ABCD2: variants seen among roughly 807,000 people sequenced by gnomAD.
The protein encoded by ABCD2 is ATP-binding cassette sub-family D member 2.
Under a neutral mutation model 70.9 loss-of-function variants are expected in ABCD2, and 36 were observed. That is an observed-to-expected ratio of 0.51 (90% CI 0.39 to 0.67). The LOEUF is 0.67. ABCD2 is among the 30% of genes least tolerant of loss of function. ABCD2 has a pLI of 0.00. For synonymous variants in ABCD2, 304 were observed against 306.9 expected, an observed-to-expected ratio of 0.99 and a Z score of 0.10; for missense variants, 729 against 890.2, an observed-to-expected ratio of 0.82 and a Z score of 2.30.
the ABCD2 span, among the ~76,000 whole-genome samples, chr12:39,537,236 C>T: frequency 6.6e-6 from 1 of 152,152 alleles, no homozygotes; most frequent in African/African-American, 2.4e-5. Context: ...TTGTGCAAAA[C>T]TGAACTCATC....
the ABCD2 span, among the ~76,000 whole-genome samples, chr12:39,540,473 T>C: frequency 1.1e-4 from 16 of 152,346 alleles, no homozygotes; most frequent in Admixed American, 8.5e-4. Context: ...TATTTTGAAA[T>C]GGCCCTACAA....
At chr12:39,601,802 A>T (rs1219849678) in intron 5 of ABCD2, among the ~76,000 whole-genome samples, 1 of 152,182 alleles carries the variant, frequency 6.6e-6, no homozygotes, top group Non-Finnish European at 1.5e-5. Context: ...AATCTCAGGA[A>T]GAAGCTAGAA....
chr12:39,607,509 C>T, intron 3 of ABCD2, 90 bp downstream of exon 3: 10 of 1,100,532 alleles, frequency 9.1e-6, no homozygotes, highest in Non-Finnish European at 1.3e-5. Flanking sequence ...AGATATGTTT[C>T]CAAAATACTA....
chr12:39,557,567 G>T (rs1941187738), intron 9 of ABCD2, among the ~76,000 whole-genome samples: 2 of 152,168 alleles, frequency 1.3e-5, no homozygotes, highest in Admixed American at 1.3e-4. Context: ...AAGACAATGG[G>T]GAAAATGTCT....
the ABCD2 span, among the ~76,000 whole-genome samples, chr12:39,542,579 TAATG>T: frequency 2.6e-5 from 4 of 151,970 alleles, no homozygotes; most frequent in South Asian, 8.3e-4. Flanking sequence ...ACCTTGCTAA[TAATG>T]GTGAAGATGG....
intron 6 of ABCD2, among the ~76,000 whole-genome samples, chr12:39,594,262 G>T (rs550031116): frequency 6.6e-6 from 1 of 152,260 alleles, no homozygotes; most frequent in African/African-American, 2.4e-5. Flanking sequence ...TTATCCACTG[G>T]AGGACTTAAA....
intron 6 of ABCD2, among the ~76,000 whole-genome samples, chr12:39,592,644 C>A (rs1400104673): frequency 6.6e-6 from 1 of 152,206 alleles, no homozygotes; most frequent in Non-Finnish European, 1.5e-5. Flanking sequence ...AACCTACATA[C>A]ACATTGGCAC....
At chr12:39,611,319 TG>T (rs1942041878) in intron 2 of ABCD2, among the ~76,000 whole-genome samples, 2 of 152,146 alleles carry the variant, frequency 1.3e-5, no homozygotes, top group South Asian at 4.1e-4. Context: ...GGGGAAACTA[TG>T]GGGGGAGAGG....
chr12:39,572,026 T>C (rs1941455568), intron 9 of ABCD2, among the ~76,000 whole-genome samples: 1 of 152,198 alleles, frequency 6.6e-6, no homozygotes, highest in Non-Finnish European at 1.5e-5. Context: ...CATGTTGTTT[T>C]GTTTTGTGGA....
At chr12:39,601,335 T>C (rs1426242658) in intron 5 of ABCD2, among the ~76,000 whole-genome samples, 1 of 151,674 alleles carries the variant, frequency 6.6e-6, no homozygotes, top group Non-Finnish European at 1.5e-5. Flanking sequence ...TAGTCTCATG[T>C]CTAGGGATGA....
intron 6 of ABCD2, among the ~76,000 whole-genome samples, chr12:39,594,287 C>T (rs568440368): frequency 1.3e-5 from 2 of 152,238 alleles, no homozygotes; most frequent in Non-Finnish European, 2.9e-5. Flanking sequence ...TTTAAGTTTT[C>T]TCACAAAATA....
At position 39,588,528 on chromosome 12, in the gene ABCD2, A is replaced by C. The variant is rs144153236; in HGVS notation, c.1647-2231T>G. Among the ~76,000 whole-genome samples, 1,055 of 152,328 alleles carry C rather than the reference A, an allele frequency of 6.9e-3. 7 individuals carry two copies. Among genetic ancestry groups the C allele is most frequent in the South Asian group, 0.025 (121 of 4,824 alleles). On this transcript the variant is annotated intron_variant, in intron 6 of 9. Coordinates refer to ENST00000308666, the MANE Select transcript of ABCD2 (RefSeq NM_005164.4). ...GCTTGGCACCACCAGAAGCTGGAAA[A>C]GAGGCAGGAAATAATTCTCCCCAAG...
the ABCD2 span, among the ~76,000 whole-genome samples, chr12:39,532,897 C>T: frequency 6.6e-6 from 1 of 152,022 alleles, no homozygotes; most frequent in African/African-American, 2.4e-5. Flanking sequence ...CAGTGGCTCA[C>T]GCCTGTAATC....
chr12:39,535,843 T>C, the ABCD2 span, among the ~76,000 whole-genome samples: 2 of 152,144 alleles, frequency 1.3e-5, no homozygotes, highest in East Asian at 3.9e-4. Context: ...ATTAAAAATT[T>C]AAACAATAAA....
chr12:39,569,755 GC>G (rs1351718381), intron 9 of ABCD2, among the ~76,000 whole-genome samples: 1 of 152,070 alleles, frequency 6.6e-6, no homozygotes, highest in Non-Finnish European at 1.5e-5. Context: ...TTCCTATTCA[GC>G]CCTCTTGGCT....
At position 39,551,987 on chromosome 12, in the gene ABCD2, T is replaced by A. The variant is rs1022763172; in HGVS notation, c.*1925A>T. On this transcript the variant is annotated 3_prime_UTR_variant, in exon 10 of 10. Transcript: ENST00000308666. ...CCTTGTAGCAGTATAAACTGGATAA[T>A]CACTTATGTAGAAAAGATTAATGAA... 20 of 151,802 alleles carry A rather than the reference T, an allele frequency of 1.3e-4. No individual in the cohort carries two copies. Among genetic ancestry groups the A allele is most frequent in the African/African-American group, 4.6e-4 (19 of 41,398 alleles). 9.4% of individuals were successfully genotyped at this position (151,802 alleles called of 1,614,324 possible). A position where few individuals can be genotyped will look rare whatever the true frequency, so the allele number is the denominator to read the frequency against.
chr12:39,564,006 T>C lies in ABCD2; in HGVS notation c.2003+9710A>G, dbSNP rs562493321. Among the ~76,000 whole-genome samples, 8 of 152,346 alleles carry C rather than the reference T, an allele frequency of 5.3e-5. No homozygotes were observed. In the East Asian group the frequency reaches 1.3e-3, roughly 26 times the overall value. On this transcript the variant is annotated intron_variant, in intron 9 of 9. Transcript: ENST00000308666. The stretch of plus-strand genomic sequence containing the variant: ...TATTCCATGGTGTATATGTGCCACA[T>C]TTTCTTAATTCAGTCTATCATTGTT...
intron 3 of ABCD2, among the ~76,000 whole-genome samples, chr12:39,606,703 T>C (rs1191769007): frequency 6.6e-6 from 1 of 152,194 alleles, no homozygotes; most frequent in African/African-American, 2.4e-5. Flanking sequence ...GCAGCTAAAT[T>C]TACAAAGATG....
At chr12:39,542,965 A>C in the ABCD2 span, among the ~76,000 whole-genome samples, 1 of 152,130 alleles carries the variant, frequency 6.6e-6, no homozygotes, top group South Asian at 2.1e-4. Context: ...GTGCTGACAA[A>C]TCTTTTGAAG....
Sources: gnomAD v4.1 joint callset for allele counts (sites outside exome capture counted in the v4.1 genomes callset) on GRCh38, gnomAD v4.1.1 for gene constraint, MANE v1.5 for transcripts, NCBI Gene and HGNC (gene_info 2026-07-23, HGNC 2026-07-21) for gene names.